Variants in GAS7 observed in about 807,000 individuals in gnomAD.
GAS7 encodes growth arrest specific 7.
A neutral mutation model predicts 71.1 loss-of-function variants in GAS7; 28 were observed. That is an observed-to-expected ratio of 0.39 (90% CI 0.29 to 0.54). GAS7 has a LOEUF of 0.54. Among genes scored for constraint, GAS7 ranks in the 20% least tolerant of loss-of-function variants. GAS7 has a pLI of 0.62. For missense variants in GAS7, 436 were observed against 627.8 expected, an observed-to-expected ratio of 0.69 and a Z score of 3.27; for synonymous variants, 258 against 245.8, an observed-to-expected ratio of 1.05 and a Z score of -0.46.
chr17:10,109,563 AACCAT>A (rs1399432236), intron 1 of GAS7, among the ~76,000 whole-genome samples: 2 of 152,198 alleles, frequency 1.3e-5, no homozygotes, highest in Admixed American at 1.3e-4. Context: ...AAAATAGAAC[AACCAT>A]ACCATCCAGC....
chr17:10,170,302 G>A (rs551300370), intron 1 of GAS7, among the ~76,000 whole-genome samples: 15 of 152,084 alleles, frequency 9.9e-5, no homozygotes, highest in South Asian at 2.1e-4. Context: ...AAAAGCCCTC[G>A]TGCTTTGGCC....
chr17:10,116,033 G>A (rs9914760), intron 1 of GAS7, among the ~76,000 whole-genome samples: 99,607 of 152,094 alleles, frequency 0.65, 32,997 homozygotes, highest in Non-Finnish European at 0.69. Flanking sequence ...TGGGTTGGCC[G>A]GCCATGGTGG....
intron 1 of GAS7, among the ~76,000 whole-genome samples, chr17:10,078,820 G>A (rs916550208): frequency 4.6e-5 from 7 of 152,128 alleles, no homozygotes; most frequent in East Asian, 3.9e-4. Context: ...AGGCCAAGGC[G>A]GGAGGACTGC....
chr17:9,973,340 G>T lies in GAS7; in HGVS notation c.386-3578C>A, dbSNP rs532537720. Among the ~76,000 whole-genome samples, 3 of 150,170 alleles carry T rather than the reference G, an allele frequency of 2.0e-5. No individual in the cohort carries two copies. The Admixed American group carries it at 2.0e-4, about 10-fold the overall frequency. On this transcript the variant is annotated intron_variant, in intron 3 of 13. Transcript: ENST00000432992. ...GCGATCTCGGCTCACTGCGACCTCC[G>T]CCTCCCGGGTTCAAGTGATTCTCCT...
chr17:9,954,799 G>A (rs1404689323), intron 5 of GAS7, among the ~76,000 whole-genome samples: 1 of 152,162 alleles, frequency 6.6e-6, no homozygotes, highest in Non-Finnish European at 1.5e-5. Flanking sequence ...ATGGTGCTGA[G>A]GCTGAGAAAC....
chr17:10,074,775 T>TAATA (rs2073374187), intron 1 of GAS7, among the ~76,000 whole-genome samples: 2 of 148,428 alleles, frequency 1.3e-5, no homozygotes, highest in African/African-American at 5.1e-5. Context: ...CTCCTTTTTA[T>TAATA]AATACCCTGA....
intron 2 of GAS7, among the ~76,000 whole-genome samples, chr17:9,989,244 G>A (rs17747425): frequency 0.019 from 2,944 of 152,164 alleles, 40 homozygotes; most frequent in Non-Finnish European, 0.032. Flanking sequence ...CCGTGTCTGA[G>A]CTCTAGGCTG....
chr17:10,097,721 G>A (rs138136948), intron 1 of GAS7, among the ~76,000 whole-genome samples: 17 of 152,064 alleles, frequency 1.1e-4, no homozygotes, highest in Admixed American at 7.9e-4. Context: ...CTCTGCCCTC[G>A]CTCTGGGTCA....
chr17:9,946,682 A>C (rs956307545), intron 6 of GAS7, among the ~76,000 whole-genome samples: 1 of 152,188 alleles, frequency 6.6e-6, no homozygotes, highest in Non-Finnish European at 1.5e-5. Context: ...TAATGTGAAC[A>C]AAAGTCCTGC....
At chr17:10,106,552 T>C (rs900136798) in intron 1 of GAS7, among the ~76,000 whole-genome samples, 2 of 152,140 alleles carry the variant, frequency 1.3e-5, no homozygotes, top group African/African-American at 4.8e-5. Context: ...CTTAGGAGAT[T>C]TGAGATTTGC....
intron 2 of GAS7, among the ~76,000 whole-genome samples, chr17:10,007,625 CAAAAAAAAAAAAAAA>C (rs201254619): frequency 2.1e-5 from 1 of 46,596 alleles, no homozygotes; most frequent in South Asian, 7.1e-4. Flanking sequence ...GATTCTGTCT[CAAAAAAAAAAAAAAA>C]AAAAAAAAAA....
intron 1 of GAS7, among the ~76,000 whole-genome samples, chr17:10,023,298 G>A (rs2072341085): frequency 6.6e-6 from 1 of 152,192 alleles, no homozygotes; most frequent in South Asian, 2.1e-4. Context: ...AGTTCCTCCT[G>A]ATGGCTGACT....
In GAS7 at chr17:9,959,029, G is replaced by A; in HGVS notation, c.525+173C>T. The A allele has an allele frequency of 7.3e-7, 1 of 1,367,792 alleles. No homozygotes were observed. The highest frequency in any genetic ancestry group is 9.6e-7 in the Non-Finnish European group (1 of 1,038,728). 84.7% of individuals were successfully genotyped at this position (1,367,792 alleles called of 1,614,324 possible). ...AAATGTGAAATTGACAGGAGAAGGG[G>A]AGGTGGGAGGGGCATGTGGATGGGG... On this transcript the variant is annotated intron_variant, in intron 5 of 13. Coordinates refer to ENST00000432992, the MANE Select transcript of GAS7 (RefSeq NM_201433.2). The surrounding 1 kb of genome is among the most constrained non-coding windows in gnomAD (Gnocchi z 5.0).
intron 1 of GAS7, among the ~76,000 whole-genome samples, chr17:10,110,053 CAAAA>C (rs956917519): frequency 1.4e-5 from 1 of 73,518 alleles, no homozygotes. Context: ...GGCTCCGTCT[CAAAA>C]AAAAAAAAAA....
At chr17:10,053,388 C>A (rs1264212414) in intron 1 of GAS7, among the ~76,000 whole-genome samples, 2 of 152,208 alleles carry the variant, frequency 1.3e-5, no homozygotes, top group Non-Finnish European at 2.9e-5. Flanking sequence ...ATGAAAACAG[C>A]AGTCTGAGTT....
chr17:9,960,849 T>C (rs961025869), intron 4 of GAS7, among the ~76,000 whole-genome samples: 15 of 152,340 alleles, frequency 9.8e-5, no homozygotes, highest in Middle Eastern at 3.4e-3. Context: ...AGAGCATTAA[T>C]TTCACAGACA....
intron 1 of GAS7, among the ~76,000 whole-genome samples, chr17:10,063,786 C>T (rs2073246152): frequency 6.6e-6 from 1 of 152,210 alleles, no homozygotes; most frequent in African/African-American, 2.4e-5. Context: ...AGTATGGCTC[C>T]ACCCTGGGTC....
At position 9,999,267 on chromosome 17, in the gene GAS7, C is replaced by G. The variant is rs1015713200; in HGVS notation, c.305-17383G>C. Among the ~76,000 whole-genome samples the G allele has an allele frequency of 3.0e-4, 45 of 152,196 alleles. 1 individual carries two copies. Among genetic ancestry groups the G allele is most frequent in the Admixed American group, 2.4e-3 (37 of 15,288 alleles). On this transcript the variant is annotated intron_variant, in intron 2 of 13. Coordinates refer to ENST00000432992, the MANE Select transcript of GAS7 (RefSeq NM_201433.2). ...GTACGGTGGCTCATGCTTGTGATCC[C>G]AGCACTTTGGGAGGCCGAGGCAGGT...
intron 5 of GAS7, chr17:9,958,905 A>G: frequency 3.3e-6 from 4 of 1,225,526 alleles, no homozygotes; most frequent in Non-Finnish European, 4.2e-6. Context: ...ACCCCCTTCA[A>G]CCCACTCCCG....
Sources: allele counts gnomAD v4.1 joint callset (sites outside exome capture counted in the v4.1 genomes callset), GRCh38; gene constraint gnomAD v4.1.1; non-coding constraint Gnocchi (gnomAD v3.1); transcripts MANE v1.5; gene names NCBI Gene and HGNC (gene_info 2026-07-23, HGNC 2026-07-21).